MSRA: variants seen among roughly 807,000 people sequenced by gnomAD.
MSRA encodes the protein methionine sulfoxide reductase A, also known as mitochondrial peptide methionine sulfoxide reductase.
A neutral mutation model predicts 31.3 loss-of-function variants in MSRA; 54 were observed. That is an observed-to-expected ratio of 1.73 (90% CI 1.39 to 2.17). The LOEUF is 2.17. MSRA is among the 30% of genes most tolerant of loss of function. MSRA has a pLI of 0.00. For synonymous variants in MSRA, 169 were observed against 116.5 expected (o/e 1.45, Z -2.90); for missense variants, 507 against 300.9 (o/e 1.69, Z -5.07).
intron 1 of MSRA, among the ~76,000 whole-genome samples, chr8:10,181,447 A>G (rs1585109312): frequency 6.6e-6 from 1 of 152,046 alleles, no homozygotes; most frequent in African/African-American, 2.4e-5. Context: ...TAAAATTAAA[A>G]AAAAAAAAAA....
intron 5 of MSRA, among the ~76,000 whole-genome samples, chr8:10,399,258 G>C (rs966192087): frequency 2.6e-5 from 4 of 152,224 alleles, no homozygotes. Context: ...ATGGACAAGA[G>C]AGCAAATGAG....
chr8:10,089,262 C>A (rs776336976), intron 1 of MSRA, among the ~76,000 whole-genome samples: 1 of 152,148 alleles, frequency 6.6e-6, no homozygotes, highest in South Asian at 2.1e-4. Context: ...CTCAAAAATA[C>A]ACAGTAAAAT....
At chr8:10,112,290 T>C (rs934855557) in intron 1 of MSRA, among the ~76,000 whole-genome samples, 5 of 152,218 alleles carry the variant, frequency 3.3e-5, no homozygotes, top group African/African-American at 4.8e-5. Context: ...TTGATAGATA[T>C]GCAAAAGCCA....
Position 10,352,214 on chromosome 8 carries a change from A to T in MSRA, c.543+32225A>T, listed in dbSNP as rs565046231. On this transcript the variant is annotated intron_variant, in intron 5 of 5. Transcript: ENST00000317173. ...ACGAGAAGGAGATGTTGTAGGGTTC[A>T]GTTCGTGTAGTGAATTTTTCCTGAA... Among the ~76,000 whole-genome samples the T allele has an allele frequency of 3.7e-4, 57 of 152,350 alleles. 2 individuals are homozygous for T. In the South Asian group the frequency reaches 0.011, roughly 29 times the overall value.
chr8:10,119,667 T>C (rs1800961661), intron 1 of MSRA, among the ~76,000 whole-genome samples: 1 of 152,092 alleles, frequency 6.6e-6, no homozygotes, highest in African/African-American at 2.4e-5. Context: ...ATGTGCATGA[T>C]TATTGGAGAG....
At chr8:10,114,277 G>A (rs138291416) in intron 1 of MSRA, among the ~76,000 whole-genome samples, 3 of 152,256 alleles carry the variant, frequency 2.0e-5, no homozygotes, top group Admixed American at 1.3e-4. Flanking sequence ...TGGCTATCTC[G>A]AATAATGTTG....
At chr8:10,206,697 A>G (rs1256484314) in intron 1 of MSRA, among the ~76,000 whole-genome samples, 2 of 152,240 alleles carry the variant, frequency 1.3e-5, no homozygotes, top group African/African-American at 4.8e-5. Context: ...TTCGGACTCC[A>G]GGAGTGGCAG....
chr8:10,141,727 T>G (rs1322070257), intron 1 of MSRA, among the ~76,000 whole-genome samples: 5 of 152,204 alleles, frequency 3.3e-5, no homozygotes, highest in Admixed American at 6.5e-5. Flanking sequence ...GCTTTTTTTT[T>G]TTTTGTTTTA....
intron 5 of MSRA, among the ~76,000 whole-genome samples, chr8:10,356,697 A>G (rs572069297): frequency 1.3e-5 from 2 of 152,150 alleles, no homozygotes; most frequent in Admixed American, 6.5e-5. Context: ...GTGTGAGGAC[A>G]CTGTAAGAAA....
chr8:10,230,985 G>T (rs941983174), intron 2 of MSRA, among the ~76,000 whole-genome samples: 1 of 152,088 alleles, frequency 6.6e-6, no homozygotes, highest in Non-Finnish European at 1.5e-5. Flanking sequence ...GGGTTTCACC[G>T]TGTTGGCCAG....
intron 1 of MSRA, among the ~76,000 whole-genome samples, chr8:10,068,375 C>G (rs959961667): frequency 5.3e-5 from 8 of 152,082 alleles, no homozygotes; most frequent in Non-Finnish European, 1.2e-4. Flanking sequence ...TTTCGTGTAT[C>G]TAAAAAGTTA....
chr8:10,193,944 A>G (rs934033072), intron 1 of MSRA, among the ~76,000 whole-genome samples: 2 of 152,230 alleles, frequency 1.3e-5, no homozygotes, highest in Admixed American at 6.5e-5. Context: ...TGATAATTTA[A>G]GGGAAATATA....
At position 10,396,277 on chromosome 8, in the gene MSRA, C is replaced by G. The variant is rs1314116407; in HGVS notation, c.544-31871C>G. Reference sequence around the variant, plus strand: ...TCTCAGGTGCACTGTCTCTTCCTCTCCAACATCCTCTCCCCTCCTTACTTC... The same window carrying G: ...TCTCAGGTGCACTGTCTCTTCCTCTGCAACATCCTCTCCCCTCCTTACTTC... On this transcript the variant is annotated intron_variant, in intron 5 of 5. Coordinates refer to ENST00000317173, the MANE Select transcript of MSRA (RefSeq NM_012331.5). Among the ~76,000 whole-genome samples, 5 of 152,336 alleles carry G rather than the reference C, an allele frequency of 3.3e-5. No individual in the cohort carries two copies. In the East Asian group the frequency reaches 5.8e-4, roughly 18 times the overall value.
chr8:10,292,744 T>C (rs1328818552), intron 3 of MSRA, among the ~76,000 whole-genome samples: 3 of 152,004 alleles, frequency 2.0e-5, no homozygotes, highest in Non-Finnish European at 4.4e-5. Context: ...GCTTGGACTG[T>C]GGGTAGCCTG....
At chr8:10,117,878 C>T (rs936752355) in intron 1 of MSRA, among the ~76,000 whole-genome samples, 1 of 152,138 alleles carries the variant, frequency 6.6e-6, no homozygotes, top group Non-Finnish European at 1.5e-5. Context: ...AAGAAAAATC[C>T]TGGGTCCCAA....
chr8:10,362,345 C>T (rs1442220225), intron 5 of MSRA, among the ~76,000 whole-genome samples: 1 of 151,920 alleles, frequency 6.6e-6, no homozygotes, highest in African/African-American at 2.4e-5. Flanking sequence ...CCTGTCCCTG[C>T]CCCCATGAGC....
intron 1 of MSRA, among the ~76,000 whole-genome samples, chr8:10,137,188 C>G (rs1802346703): frequency 6.6e-6 from 1 of 152,060 alleles, no homozygotes; most frequent in South Asian, 2.1e-4. Flanking sequence ...TTGGAGCCTT[C>G]TTTATTTTGA....
At chr8:10,058,891 G>C (rs1050999031) in intron 1 of MSRA, 5 of 152,196 alleles carry the variant, frequency 3.3e-5, no homozygotes, top group African/African-American at 1.2e-4. Flanking sequence ...AAGAAGGTAA[G>C]ATTCAAACCT....
intron 1 of MSRA, among the ~76,000 whole-genome samples, chr8:10,084,772 A>G (rs528416273): frequency 6.6e-5 from 10 of 152,330 alleles, no homozygotes; most frequent in African/African-American, 2.2e-4. Flanking sequence ...TATTACATAG[A>G]TTGCCCTATC....
Sources: gnomAD v4.1 joint callset for allele counts (sites outside exome capture counted in the v4.1 genomes callset) on GRCh38, gnomAD v4.1.1 for gene constraint, MANE v1.5 for transcripts, NCBI Gene and HGNC (gene_info 2026-07-23, HGNC 2026-07-21) for gene names.